TBXAS1: variants seen among roughly 807,000 people sequenced by gnomAD.
TBXAS1 encodes the protein thromboxane A synthase 1.
In TBXAS1, 48 loss-of-function variants were observed where a neutral mutation model predicts 60.7. The ratio of observed to expected loss-of-function variants is 0.79; its 90% CI spans 0.63 to 1.01. The LOEUF (loss-of-function observed/expected upper bound fraction) is 1.01. TBXAS1 is among the 50% of genes least tolerant of loss of function. The probability of loss-of-function intolerance (pLI) is 0.00; values close to 1 mark genes in which losing one functional copy is unlikely to be tolerated. For missense variants in TBXAS1, 685 were observed against 686.3 expected (o/e 1.00, Z 0.02); for synonymous variants, 287 against 269.7 (o/e 1.06, Z -0.63).
At chr7:139,988,085 C>A (rs1812633785) in intron 9 of TBXAS1, among the ~76,000 whole-genome samples, 1 of 152,252 alleles carries the variant, frequency 6.6e-6, no homozygotes, top group South Asian at 2.1e-4. Context: ...CCTGTCCCAG[C>A]AGGACGCCAG....
chr7:139,816,751 A>G (rs895963049), intron 4 of TBXAS1, among the ~76,000 whole-genome samples: 1 of 152,192 alleles, frequency 6.6e-6, no homozygotes, highest in African/African-American at 2.4e-5. Flanking sequence ...AACTACTGCA[A>G]TAGAGATGTT....
intron 4 of TBXAS1, among the ~76,000 whole-genome samples, chr7:139,926,986 G>C (rs28821621): frequency 1.3e-5 from 2 of 150,826 alleles, no homozygotes; most frequent in African/African-American, 4.9e-5. Flanking sequence ...TCTTTTTTTT[G>C]TTTTTTGTTT....
intron 4 of TBXAS1, among the ~76,000 whole-genome samples, chr7:139,798,023 C>T (rs1797617061): frequency 6.6e-6 from 1 of 152,176 alleles, no homozygotes; most frequent in Non-Finnish European, 1.5e-5. Context: ...CACAATAAAT[C>T]TTAGTGTATC....
At chr7:139,909,786 G>A (rs1031946243) in intron 3 of TBXAS1, among the ~76,000 whole-genome samples, 1 of 152,112 alleles carries the variant, frequency 6.6e-6, no homozygotes, top group African/African-American at 2.4e-5. Context: ...TTACTGCTCT[G>A]AGCTGGATAC....
At chr7:139,922,132 G>A (rs1187350278) in intron 4 of TBXAS1, among the ~76,000 whole-genome samples, 1 of 138,958 alleles carries the variant, frequency 7.2e-6, no homozygotes, top group African/African-American at 2.7e-5. Flanking sequence ...ATGGAGTTTT[G>A]CTCTTGTTGC....
At chr7:140,008,861 G>A (rs1231354950) in intron 10 of TBXAS1, among the ~76,000 whole-genome samples, 1 of 152,300 alleles carries the variant, frequency 6.6e-6, no homozygotes, top group East Asian at 1.9e-4. Context: ...TAGAACAAAG[G>A]CCATTTAAAG....
At chr7:140,006,060 T>C (rs1814056761) in intron 9 of TBXAS1, among the ~76,000 whole-genome samples, 1 of 152,226 alleles carries the variant, frequency 6.6e-6, no homozygotes. Flanking sequence ...AACTGGAACG[T>C]TGGCGGCTTG....
chr7:139,881,562 T>C (rs1036604335), intron 3 of TBXAS1, among the ~76,000 whole-genome samples: 1 of 152,204 alleles, frequency 6.6e-6, no homozygotes, highest in African/African-American at 2.4e-5. Flanking sequence ...TTCTGATTTC[T>C]CTATTCTGTT....
At chr7:139,817,618 G>A (rs1469000649) in intron 4 of TBXAS1, among the ~76,000 whole-genome samples, 1 of 152,202 alleles carries the variant, frequency 6.6e-6, no homozygotes, top group Non-Finnish European at 1.5e-5. Flanking sequence ...GTGCTCAGGG[G>A]TGGGAATGGG....
At chr7:139,808,239 G>A (rs1797928051) in intron 4 of TBXAS1, among the ~76,000 whole-genome samples, 1 of 152,072 alleles carries the variant, frequency 6.6e-6, no homozygotes, top group African/African-American at 2.4e-5. Flanking sequence ...TTGGGAGGCT[G>A]AGGTAGGAGA....
chr7:139,796,995 T>A (rs1797588261), intron 4 of TBXAS1, among the ~76,000 whole-genome samples: 1 of 152,194 alleles, frequency 6.6e-6, no homozygotes, highest in African/African-American at 2.4e-5. Context: ...TTAAATGAAC[T>A]AACAGAATTG....
At chr7:139,955,879 G>T (rs888060935) in intron 7 of TBXAS1, among the ~76,000 whole-genome samples, 1 of 152,230 alleles carries the variant, frequency 6.6e-6, no homozygotes, top group Non-Finnish European at 1.5e-5. Flanking sequence ...TAGGCACGGG[G>T]TGTGCGTTGC....
chr7:139,858,823 T>TA (rs1387930135), intron 1 of TBXAS1, among the ~76,000 whole-genome samples: 18 of 152,230 alleles, frequency 1.2e-4, no homozygotes, highest in Non-Finnish European at 2.5e-4. Flanking sequence ...ACACGGACTT[T>TA]AAAAATCTTT....
At chr7:139,875,186 G>A (rs1479398543) in intron 2 of TBXAS1, among the ~76,000 whole-genome samples, 1 of 152,150 alleles carries the variant, frequency 6.6e-6, no homozygotes, top group Admixed American at 6.5e-5. Context: ...AGTTTAACTC[G>A]AATGGATCAT....
At chr7:139,844,500 T>C (rs1799673522) in intron 1 of TBXAS1, among the ~76,000 whole-genome samples, 1 of 152,246 alleles carries the variant, frequency 6.6e-6, no homozygotes, top group Non-Finnish European at 1.5e-5. Flanking sequence ...TAACCAGCAT[T>C]AGTGTACCAA....
intron 3 of TBXAS1, chr7:139,782,823 C>T (rs1465043189): frequency 6.6e-6 from 1 of 152,134 alleles, no homozygotes; most frequent in Non-Finnish European, 1.5e-5. Context: ...GACTGTGTGT[C>T]TAATTTTCTT....
intron 1 of TBXAS1, among the ~76,000 whole-genome samples, chr7:139,856,531 A>G (rs1569502216): frequency 6.6e-6 from 1 of 152,162 alleles, no homozygotes; most frequent in Non-Finnish European, 1.5e-5. Context: ...AGATATTTTG[A>G]TGGAGGGGAA....
intron 6 of TBXAS1, among the ~76,000 whole-genome samples, 154 bp from the exon 7 acceptor site, chr7:139,955,305 C>G (rs2117331239): frequency 6.6e-6 from 1 of 152,278 alleles, no homozygotes; most frequent in South Asian, 2.1e-4. Context: ...CTCCCTCCAC[C>G]TCCCCCCAGA....
chr7:139,978,032 G>C (rs1811685832), intron 9 of TBXAS1, among the ~76,000 whole-genome samples: 1 of 152,080 alleles, frequency 6.6e-6, no homozygotes, highest in Non-Finnish European at 1.5e-5. Flanking sequence ...AACGATGTCG[G>C]GGGTATTGTC....
Sources: allele counts gnomAD v4.1 joint callset (sites outside exome capture counted in the v4.1 genomes callset), GRCh38; gene constraint gnomAD v4.1.1; transcripts MANE v1.5; gene names NCBI Gene and HGNC (gene_info 2026-07-23, HGNC 2026-07-21).